Variants in KCNQ3 observed in about 807,000 individuals in gnomAD.
KCNQ3 encodes potassium voltage-gated channel subfamily Q member 3.
In KCNQ3, 30 loss-of-function variants were observed where a neutral mutation model predicts 92.5. The ratio of observed to expected loss-of-function variants is 0.32; its 90% confidence interval spans 0.24 to 0.44. KCNQ3 has a LOEUF of 0.44. KCNQ3 is among the 20% of genes least tolerant of loss of function. KCNQ3 has a pLI of 1.00. For synonymous variants in KCNQ3, 450 were observed against 468.8 expected (o/e 0.96, Z 0.52); for missense variants, 913 against 1,140.3 (o/e 0.80, Z 2.87).
chr8:132,439,031 C>G (rs1030244369), intron 1 of KCNQ3, among the ~76,000 whole-genome samples: 14 of 150,646 alleles, frequency 9.3e-5, no homozygotes, highest in African/African-American at 3.4e-4. Context: ...TGAAGAAATC[C>G]TATAACCCTG....
chr8:132,455,872 G>A (rs1434920588), intron 1 of KCNQ3, among the ~76,000 whole-genome samples: 1 of 152,050 alleles, frequency 6.6e-6, no homozygotes, highest in Non-Finnish European at 1.5e-5. Flanking sequence ...CTCCCAAGTA[G>A]CTGGGACTAC....
intron 1 of KCNQ3, among the ~76,000 whole-genome samples, chr8:132,220,318 A>C (rs554556428): frequency 1.3e-5 from 2 of 152,326 alleles, no homozygotes; most frequent in African/African-American, 4.8e-5. Flanking sequence ...CTGCCCCTCA[A>C]AACTGAAGGA....
intron 1 of KCNQ3, among the ~76,000 whole-genome samples, chr8:132,321,700 C>T (rs942299263): frequency 6.6e-6 from 1 of 152,194 alleles, no homozygotes; most frequent in Non-Finnish European, 1.5e-5. Flanking sequence ...ATGTGATTTA[C>T]ACCCTAGCCA....
intron 1 of KCNQ3, among the ~76,000 whole-genome samples, chr8:132,383,998 G>T (rs937874311): frequency 2.6e-4 from 39 of 149,898 alleles, no homozygotes; most frequent in African/African-American, 9.0e-4. Flanking sequence ...AATGCACTTT[G>T]TCAGGCCTAA....
chr8:132,474,835 G>A (rs1822372914), intron 1 of KCNQ3, among the ~76,000 whole-genome samples: 1 of 152,202 alleles, frequency 6.6e-6, no homozygotes, highest in African/African-American at 2.4e-5. Flanking sequence ...CTGGGCCAAG[G>A]TGAAGGGGAG....
intron 1 of KCNQ3, among the ~76,000 whole-genome samples, chr8:132,445,187 C>T (rs914774178): frequency 9.9e-5 from 15 of 152,164 alleles, no homozygotes; most frequent in African/African-American, 3.6e-4. Flanking sequence ...GTCCCAAATG[C>T]TCTTAATTGT....
chr8:132,303,666 G>GTATATATATATATATA, intron 1 of KCNQ3, among the ~76,000 whole-genome samples: 1 of 9,616 alleles, frequency 1.0e-4, no homozygotes, highest in African/African-American at 1.8e-3. Flanking sequence ...TGGTGTGTGT[G>GTATATATATATATATA]TATATATATA....
At chr8:132,308,151 C>T (rs904399243) in intron 1 of KCNQ3, among the ~76,000 whole-genome samples, 2 of 152,082 alleles carry the variant, frequency 1.3e-5, no homozygotes, top group African/African-American at 4.8e-5. Flanking sequence ...AGAAGCCTTC[C>T]CAGGTTTGAG....
intron 1 of KCNQ3, among the ~76,000 whole-genome samples, chr8:132,335,962 T>C (rs1818358694): frequency 6.6e-6 from 1 of 152,202 alleles, no homozygotes; most frequent in Admixed American, 6.5e-5. Context: ...CTTTTCTTCC[T>C]TCCCTCTGCA....
intron 1 of KCNQ3, among the ~76,000 whole-genome samples, chr8:132,386,174 T>C (rs1819886822): frequency 6.6e-6 from 1 of 152,108 alleles, no homozygotes; most frequent in Admixed American, 6.5e-5. Context: ...CATCAGAATT[T>C]AAGGGTGGTA....
intron 9 of KCNQ3, among the ~76,000 whole-genome samples, chr8:132,141,761 G>T (rs1825304104): frequency 6.6e-6 from 1 of 152,140 alleles, no homozygotes; most frequent in Non-Finnish European, 1.5e-5. Flanking sequence ...TCCTTGAAAA[G>T]AAACTGACAA....
At chr8:132,377,269 T>C (rs918036148) in intron 1 of KCNQ3, among the ~76,000 whole-genome samples, 3 of 152,218 alleles carry the variant, frequency 2.0e-5, no homozygotes, top group East Asian at 1.9e-4. Context: ...CACTCCTGGT[T>C]CTCAGGCCTT....
At chr8:132,248,072 G>A (rs1815246773) in intron 1 of KCNQ3, among the ~76,000 whole-genome samples, 1 of 152,104 alleles carries the variant, frequency 6.6e-6, no homozygotes, top group Non-Finnish European at 1.5e-5. Context: ...AAACCCAGGT[G>A]TCTGGATCCA....
chr8:132,129,348 A>G lies in KCNQ3; in HGVS notation c.2533T>C (p.Phe845Leu). The G allele has an allele frequency of 1.2e-6, 2 of 1,614,208 alleles. No individual in the cohort carries two copies. Among genetic ancestry groups the G allele is most frequent in the Middle Eastern group, 1.6e-4 (1 of 6,062 alleles). ...EGETDTDTDP[F>L]TPSGSMPLSS... Reference sequence around the variant, plus strand: ...AGAGGCATGGAGCCGCTGGGCGTGAAGGGGTCCGTGTCTGTGTCCGTCTCA... The same window carrying G: ...AGAGGCATGGAGCCGCTGGGCGTGAGGGGGTCCGTGTCTGTGTCCGTCTCA... The change falls in exon 15 of 15, where the codon TTC (phenylalanine) becomes CTC (leucine). Residue 845 changes from phenylalanine to leucine, a missense_variant. Physicochemically the swap from Phe to Leu is conservative, Grantham distance 22 (BLOSUM62 0). Coordinates refer to ENST00000388996, the MANE Select transcript of KCNQ3 (RefSeq NM_004519.4). This position sits in a 1 kb window ranked among gnomAD's most constrained non-coding sequence, Gnocchi z 5.9.
chr8:132,200,579 T>A (rs73356971), intron 1 of KCNQ3, among the ~76,000 whole-genome samples: 10,244 of 152,192 alleles, frequency 0.067, 504 homozygotes, highest in African/African-American at 0.12. Context: ...ACCCCTGTCG[T>A]GTTAGATAAT....
chr8:132,343,773 G>C (rs1818603659), intron 1 of KCNQ3, among the ~76,000 whole-genome samples: 1 of 152,046 alleles, frequency 6.6e-6, no homozygotes, highest in Non-Finnish European at 1.5e-5. Context: ...TGGTGTCCTG[G>C]GTGGCTTTGC....
chr8:132,211,861 G>A (rs1041906186), intron 1 of KCNQ3, among the ~76,000 whole-genome samples: 3 of 149,958 alleles, frequency 2.0e-5, no homozygotes, highest in Admixed American at 6.7e-5. Flanking sequence ...GCTGAGGCAG[G>A]AGAACTGCTT....
intron 1 of KCNQ3, among the ~76,000 whole-genome samples, chr8:132,424,904 T>C (rs72721069): frequency 0.014 from 2,153 of 152,346 alleles, 38 homozygotes; most frequent in Admixed American, 0.046. Flanking sequence ...ACATCCAAGA[T>C]GATCTTATCT....
At chr8:132,219,757 T>C (rs1175143904) in intron 1 of KCNQ3, among the ~76,000 whole-genome samples, 3 of 152,198 alleles carry the variant, frequency 2.0e-5, no homozygotes, top group Non-Finnish European at 4.4e-5. Context: ...CAAATCCTCT[T>C]TAAGCAGAGC....
Sources: allele counts gnomAD v4.1 joint callset (sites outside exome capture counted in the v4.1 genomes callset), GRCh38; gene constraint gnomAD v4.1.1; non-coding constraint Gnocchi (gnomAD v3.1); transcripts MANE v1.5; gene names NCBI Gene and HGNC (gene_info 2026-07-23, HGNC 2026-07-21).